The following GPRIN3 variants were observed in gnomAD, a reference collection of about 807,000 sequenced individuals.
GPRIN3 encodes the protein G protein-regulated inducer of neurite outgrowth 3.
In GPRIN3, 12 loss-of-function variants were observed where a neutral mutation model predicts 13.7. The observed-to-expected ratio is 0.87, with a 90% CI of 0.56 to 1.42. The LOEUF is 1.42. GPRIN3 is among the 40% of genes most tolerant of loss of function. The probability of loss-of-function intolerance (pLI) is 0.00; values close to 1 mark genes in which losing one functional copy is unlikely to be tolerated. For missense variants in GPRIN3, 1,009 were observed against 958.7 expected (o/e 1.05, Z -0.69); for synonymous variants, 377 against 372.7 (o/e 1.01, Z -0.13).
chr4:89,281,585 T>A (rs1359814429), intron 1 of GPRIN3, among the ~76,000 whole-genome samples: 1 of 151,970 alleles, frequency 6.6e-6, no homozygotes, highest in Admixed American at 6.5e-5. Flanking sequence ...CATTTCAACA[T>A]GAGATTTAGG....
intron 1 of GPRIN3, among the ~76,000 whole-genome samples, chr4:89,267,939 C>T (rs1338906450): frequency 6.6e-6 from 1 of 152,114 alleles, no homozygotes; most frequent in African/African-American, 2.4e-5. Context: ...TCATCTAGTA[C>T]ACACCTAGAT....
intron 1 of GPRIN3, among the ~76,000 whole-genome samples, chr4:89,295,884 T>C (rs944492104): frequency 1.3e-5 from 2 of 152,208 alleles, no homozygotes; most frequent in Admixed American, 6.5e-5. Flanking sequence ...CTTTAACTGG[T>C]GCACTGGTTG....
intron 1 of GPRIN3, among the ~76,000 whole-genome samples, chr4:89,306,413 T>C (rs912592965): frequency 3.9e-5 from 6 of 152,212 alleles, no homozygotes; most frequent in Admixed American, 1.3e-4. Context: ...AAATATTTCA[T>C]GAAGCAAAGC....
intron 1 of GPRIN3, among the ~76,000 whole-genome samples, chr4:89,287,486 G>A (rs1724455280): frequency 6.6e-6 from 1 of 152,184 alleles, no homozygotes; most frequent in East Asian, 1.9e-4. Flanking sequence ...TGAGCCTTTG[G>A]GCAGAGGGAA....
chr4:89,283,451 GA>G (rs1172924119), intron 1 of GPRIN3, among the ~76,000 whole-genome samples: 1 of 151,786 alleles, frequency 6.6e-6, no homozygotes, highest in Non-Finnish European at 1.5e-5. Context: ...AACAGGGAAG[GA>G]AAAAAATACC....
intron 1 of GPRIN3, among the ~76,000 whole-genome samples, chr4:89,307,195 C>T (rs1725056635): frequency 6.6e-6 from 1 of 151,734 alleles, no homozygotes. Context: ...CACACACATA[C>T]ATACATCCAT....
intron 1 of GPRIN3, among the ~76,000 whole-genome samples, chr4:89,274,799 G>A (rs1724048530): frequency 6.6e-6 from 1 of 152,190 alleles, no homozygotes. Context: ...GGATGATGCT[G>A]TGGGTGGGGA....
rs561102770 is a variant in GPRIN3 at position 89,243,023 on chromosome 4, T to A, written c.*4757A>T. The A allele has an allele frequency of 6.6e-6, 1 of 152,310 alleles. No homozygotes were observed. Among genetic ancestry groups the A allele is most frequent in the Admixed American group, 6.5e-5 (1 of 15,284 alleles). 9.4% of individuals were successfully genotyped at this position (152,310 alleles called of 1,614,324 possible). ...TATTTTGTTGTGGCAAGTGAGTAGT[T>A]TAGCTGGTGACTGTTCACAGTTAAA... On this transcript the variant is annotated 3_prime_UTR_variant, in exon 2 of 2. Transcript: ENST00000609438.
chr4:89,281,509 G>C (rs1472266380), intron 1 of GPRIN3, among the ~76,000 whole-genome samples: 1 of 152,148 alleles, frequency 6.6e-6, no homozygotes, highest in Non-Finnish European at 1.5e-5. Context: ...ACTAAACCAT[G>C]CATGAGAAAT....
At position 89,248,481 on chromosome 4, in the gene GPRIN3, G is replaced by C; in HGVS notation, c.1630C>G (p.Gln544Glu). ...DAREKKPASP[Q>E]VVKEKESTGT... ...GTAGACTCTTTTTCTTTTACTACCT[G>C]AGGAGATGCAGGCTTCTTTTCCCTT... The change falls in exon 2 of 2, where the codon CAG becomes GAG. Residue 544 changes from glutamine to glutamate, a missense_variant. Coordinates refer to ENST00000609438, the MANE Select transcript of GPRIN3 (RefSeq NM_198281.3). 6.2e-7 allele frequency: 1 copy of C among 1,612,670 alleles called. No individual in the cohort carries two copies. Among genetic ancestry groups the C allele is most frequent in the Non-Finnish European group, 8.5e-7 (1 of 1,179,416 alleles).
chr4:89,301,249 T>C (rs1488589933), intron 1 of GPRIN3, among the ~76,000 whole-genome samples: 1 of 152,152 alleles, frequency 6.6e-6, no homozygotes, highest in Non-Finnish European at 1.5e-5. Context: ...TTTTGCATTT[T>C]TGAACAACAA....
In GPRIN3 at chr4:89,244,853, T is replaced by C. The variant is rs543764809; in HGVS notation, c.*2927A>G. The C allele has an allele frequency of 6.6e-6, 1 of 152,340 alleles. No homozygotes were observed. The highest frequency in any genetic ancestry group is 2.1e-4 in the South Asian group (1 of 4,834). 9.4% of individuals were successfully genotyped at this position (152,340 alleles called of 1,614,324 possible). On this transcript the variant is annotated 3_prime_UTR_variant, in exon 2 of 2. Coordinates refer to ENST00000609438, the MANE Select transcript of GPRIN3 (RefSeq NM_198281.3). ...GATTCAATAAAATATTTCCTCCATA[T>C]ATTTCAAAAATATAATGCATGAAAA...
intron 1 of GPRIN3, among the ~76,000 whole-genome samples, chr4:89,261,692 A>G (rs1033594550): frequency 6.6e-6 from 1 of 152,230 alleles, no homozygotes; most frequent in African/African-American, 2.4e-5. Context: ...GTTTTTCACT[A>G]CATGAAATAA....
intron 1 of GPRIN3, among the ~76,000 whole-genome samples, chr4:89,281,368 C>T (rs988068238): frequency 5.3e-5 from 8 of 152,128 alleles, no homozygotes; most frequent in Admixed American, 6.5e-5. Flanking sequence ...GTGATCTGCC[C>T]ACCTCGGCTC....
intron 1 of GPRIN3, among the ~76,000 whole-genome samples, chr4:89,299,120 G>A (rs941560413): frequency 6.6e-6 from 1 of 152,046 alleles, no homozygotes; most frequent in Non-Finnish European, 1.5e-5. Flanking sequence ...TAACACCTAT[G>A]GTCTTTTATA....
intron 1 of GPRIN3, among the ~76,000 whole-genome samples, chr4:89,286,529 A>G (rs1042337928): frequency 2.6e-5 from 4 of 152,134 alleles, no homozygotes; most frequent in Non-Finnish European, 4.4e-5. Flanking sequence ...CTTACTTTTA[A>G]AAGTTTTATA....
Position 89,249,551 on chromosome 4 carries a change from C to G in GPRIN3, c.560G>C (p.Cys187Ser). ...GATTGTTTCTGGAGAAGGAAACTCA[C>G]AGGACACCTGATCTTTGCTGCTACT... The part of the protein sequence containing the change: ...VLSSSKDQVS[C>S]EFPSPETIQG... The change falls in exon 2 of 2, where the codon TGT becomes TCT. Residue 187 changes from cysteine to serine, a missense_variant. Transcript: ENST00000609438. 1 of 1,614,192 alleles carries G rather than the reference C, an allele frequency of 6.2e-7. No individual in the cohort carries two copies. The highest frequency in any genetic ancestry group is 8.5e-7 in the Non-Finnish European group (1 of 1,180,030).
At chr4:89,298,899 C>T (rs911405500) in intron 1 of GPRIN3, among the ~76,000 whole-genome samples, 3 of 151,998 alleles carry the variant, frequency 2.0e-5, no homozygotes, top group Non-Finnish European at 4.4e-5. Context: ...CTTTTCCCCT[C>T]CCTCTCGGAG....
At chr4:89,270,590 T>TATATATATATATATAA in intron 1 of GPRIN3, among the ~76,000 whole-genome samples, 1 of 129,930 alleles carries the variant, frequency 7.7e-6, no homozygotes, top group Non-Finnish European at 1.6e-5. Context: ...TATATATATA[T>TATATATATATATATAA]ATATATATAT....
Sources: allele counts gnomAD v4.1 joint callset (sites outside exome capture counted in the v4.1 genomes callset), GRCh38; gene constraint gnomAD v4.1.1; transcripts MANE v1.5; gene names NCBI Gene and HGNC (gene_info 2026-07-23, HGNC 2026-07-21).